ATP11B: variants seen among roughly 807,000 people sequenced by gnomAD.
ATP11B encodes phospholipid-transporting ATPase IF.
ATP11B carries 81 observed loss-of-function variants against 157.8 expected under a neutral mutation model. The ratio of observed to expected loss-of-function variants is 0.51; its 90% CI spans 0.43 to 0.62. ATP11B has a LOEUF of 0.62. ATP11B is among the 20% of genes least tolerant of loss of function. ATP11B has a pLI of 0.00. For synonymous variants in ATP11B, 451 were observed against 469.4 expected, an observed-to-expected ratio of 0.96 and a Z score of 0.51; for missense variants, 1,165 against 1,402.2, an observed-to-expected ratio of 0.83 and a Z score of 2.70.
intron 21 of ATP11B, among the ~76,000 whole-genome samples, chr3:182,881,797 T>C (rs1312719900): frequency 6.6e-6 from 1 of 152,190 alleles, no homozygotes; most frequent in Admixed American, 6.5e-5. Context: ...TGTTTTAGAA[T>C]CTTACCGTTA....
chr3:182,853,058 G>T (rs1437227647), intron 10 of ATP11B, among the ~76,000 whole-genome samples: 1 of 152,020 alleles, frequency 6.6e-6, no homozygotes, highest in Admixed American at 6.6e-5. Flanking sequence ...CAAGTTAAAG[G>T]AATTAAAAGC....
chr3:182,835,840 T>C (rs1576993416), intron 4 of ATP11B, among the ~76,000 whole-genome samples, 195 bp from the exon 5 acceptor site: 1 of 152,026 alleles, frequency 6.6e-6, no homozygotes, highest in East Asian at 1.9e-4. Flanking sequence ...GCCAGGAAAA[T>C]GTATATGACA....
At chr3:182,884,544 A>G (rs975616861) in intron 21 of ATP11B, among the ~76,000 whole-genome samples, 5 of 152,054 alleles carry the variant, frequency 3.3e-5, no homozygotes, top group Admixed American at 6.5e-5. Flanking sequence ...TTCTTTGGAA[A>G]TTGGTGTTAT....
chr3:182,828,646 A>G (rs1459912813), intron 3 of ATP11B, among the ~76,000 whole-genome samples: 1 of 150,996 alleles, frequency 6.6e-6, no homozygotes, highest in Non-Finnish European at 1.5e-5. Flanking sequence ...AAGTTATTTA[A>G]TAAGAATTGT....
At chr3:182,888,514 T>C (rs1351283364) in intron 24 of ATP11B, among the ~76,000 whole-genome samples, 2 of 152,084 alleles carry the variant, frequency 1.3e-5, no homozygotes, top group Non-Finnish European at 1.5e-5. Flanking sequence ...ATTATGCCTA[T>C]GTCATATTTC....
At chr3:182,835,627 G>A (rs147429522) in intron 4 of ATP11B, among the ~76,000 whole-genome samples, 56 of 152,188 alleles carry the variant, frequency 3.7e-4, no homozygotes, top group African/African-American at 1.3e-3. Context: ...AAGCAATTAG[G>A]TATTCAAGTT....
At chr3:182,848,636 T>A in intron 10 of ATP11B, 79 bp downstream of exon 10, 1 of 550,140 alleles carries the variant, frequency 1.8e-6, no homozygotes. Context: ...ATATTATATA[T>A]ATAATATATA....
At chr3:182,839,116 A>G (rs749595440) in intron 7 of ATP11B, among the ~76,000 whole-genome samples, 2 of 152,316 alleles carry the variant, frequency 1.3e-5, no homozygotes, top group African/African-American at 2.4e-5. Context: ...AAAGAAAGAG[A>G]TCACGTCTTT....
At chr3:182,821,103 GT>G (rs551540724) in intron 2 of ATP11B, among the ~76,000 whole-genome samples, 1 of 151,706 alleles carries the variant, frequency 6.6e-6, no homozygotes, top group Non-Finnish European at 1.5e-5. Flanking sequence ...GATTTTTGGG[GT>G]TTTTTTTGTT....
At chr3:182,836,508 C>T (rs761231828) in intron 6 of ATP11B, 38 bp downstream of exon 6, 4 of 1,612,348 alleles carry the variant, frequency 2.5e-6, no homozygotes, top group South Asian at 2.2e-5. Flanking sequence ...TCTTGGTGAA[C>T]AAAGTGTCTT....
intron 1 of ATP11B, among the ~76,000 whole-genome samples, chr3:182,815,772 CTAATT>C (rs1190667834): frequency 7.9e-5 from 12 of 152,158 alleles, no homozygotes; most frequent in African/African-American, 2.2e-4. Context: ...AGAAGTATGA[CTAATT>C]AAATTATTCA....
At chr3:182,869,894 T>A (rs1721522558) in intron 17 of ATP11B, among the ~76,000 whole-genome samples, 1 of 152,242 alleles carries the variant, frequency 6.6e-6, no homozygotes, top group African/African-American at 2.4e-5. Context: ...AAATGTGGTA[T>A]ATCCATATAA....
intron 28 of ATP11B, among the ~76,000 whole-genome samples, chr3:182,900,030 T>C (rs1254352339): frequency 6.6e-6 from 1 of 152,234 alleles, no homozygotes; most frequent in African/African-American, 2.4e-5. Context: ...TGTATATTCA[T>C]CCTACAAATA....
chr3:182,816,277 G>T (rs1364495579), intron 1 of ATP11B, among the ~76,000 whole-genome samples: 1 of 152,186 alleles, frequency 6.6e-6, no homozygotes, highest in African/African-American at 2.4e-5. Context: ...AGGGTGGCTG[G>T]AATAGCATTG....
chr3:182,867,137 C>A (rs529662775), intron 14 of ATP11B, among the ~76,000 whole-genome samples: 4 of 151,490 alleles, frequency 2.6e-5, no homozygotes, highest in Non-Finnish European at 5.9e-5. Flanking sequence ...CCATGTTAGC[C>A]AGACTGGTCT....
chr3:182,829,639 T>G, intron 3 of ATP11B, 33 bp from the exon 4 acceptor site: 1 of 1,373,494 alleles, frequency 7.3e-7, no homozygotes, highest in Non-Finnish European at 1.0e-6. Flanking sequence ...AATATAAAAA[T>G]ATAATATTCT....
chr3:182,889,710 A>C (rs1017907757), intron 25 of ATP11B, among the ~76,000 whole-genome samples, 162 bp downstream of exon 25: 1 of 152,240 alleles, frequency 6.6e-6, no homozygotes, highest in African/African-American at 2.4e-5. Context: ...AGTTTCATAC[A>C]AGTGAAAATT....
intron 2 of ATP11B, among the ~76,000 whole-genome samples, chr3:182,826,437 A>C (rs1425906610): frequency 6.6e-6 from 1 of 152,186 alleles, no homozygotes. Flanking sequence ...CTTATAAAGT[A>C]TTATACATTT....
intron 19 of ATP11B, among the ~76,000 whole-genome samples, chr3:182,874,230 T>C (rs780084688): frequency 1.3e-5 from 2 of 152,222 alleles, no homozygotes; most frequent in Non-Finnish European, 2.9e-5. Context: ...TAAAGTTTGA[T>C]TGGAACACAA....
Sources: gnomAD v4.1 joint callset for allele counts (sites outside exome capture counted in the v4.1 genomes callset) on GRCh38, gnomAD v4.1.1 for gene constraint, MANE v1.5 for transcripts, NCBI Gene and HGNC (gene_info 2026-07-23, HGNC 2026-07-21) for gene names.